The following DENND1B variants were observed in gnomAD, a reference collection of about 807,000 sequenced individuals.
DENND1B encodes DENN domain-containing protein 1B.
A neutral mutation model predicts 90.1 loss-of-function variants in DENND1B; 59 were observed. The observed-to-expected ratio is 0.65, with a 90% confidence interval of 0.53 to 0.81. The LOEUF is 0.81. Among genes scored for constraint, DENND1B ranks in the 40% least tolerant of loss-of-function variants. The pLI, the probability that DENND1B is intolerant of heterozygous loss-of-function variation, is 0.00. For synonymous variants in DENND1B, 337 were observed against 324.6 expected (o/e 1.04, Z -0.41); for missense variants, 862 against 912.6 (o/e 0.94, Z 0.71).
chr1:197,756,024 C>T (rs1654235443), intron 2 of DENND1B, among the ~76,000 whole-genome samples: 2 of 152,148 alleles, frequency 1.3e-5, no homozygotes, highest in African/African-American at 4.8e-5. Flanking sequence ...AAAATCTGTA[C>T]ATTTAAAAGT....
intron 2 of DENND1B, among the ~76,000 whole-genome samples, chr1:197,725,370 G>A (rs1431568016): frequency 6.6e-6 from 1 of 152,052 alleles, no homozygotes; most frequent in Admixed American, 6.6e-5. Flanking sequence ...TACATTTTCA[G>A]AAAGACAAAA....
At chr1:197,594,984 A>G (rs1350016847) in intron 14 of DENND1B, among the ~76,000 whole-genome samples, 2 of 152,156 alleles carry the variant, frequency 1.3e-5, no homozygotes, top group Non-Finnish European at 2.9e-5. Context: ...ATGTAACACA[A>G]AGACTTTGGG....
intron 10 of DENND1B, among the ~76,000 whole-genome samples, chr1:197,637,730 A>G (rs1679920208): frequency 6.6e-6 from 1 of 152,200 alleles, no homozygotes; most frequent in Non-Finnish European, 1.5e-5. Context: ...CTGGTTGCTT[A>G]CGGGTTTGGG....
intron 5 of DENND1B, among the ~76,000 whole-genome samples, chr1:197,667,925 T>C (rs990698784): frequency 6.6e-6 from 1 of 152,082 alleles, no homozygotes; most frequent in Non-Finnish European, 1.5e-5. Context: ...CAGGAAAAAA[T>C]TGAAATGATT....
At chr1:197,767,404 G>A (rs1655830227) in intron 2 of DENND1B, among the ~76,000 whole-genome samples, 1 of 152,024 alleles carries the variant, frequency 6.6e-6, no homozygotes, top group South Asian at 2.1e-4. Context: ...AGGGCATGGA[G>A]GACACTAAGA....
rs1485457108 is a variant in DENND1B at position 197,566,143 on chromosome 1, C to T, written c.1150-13031G>A. Reference sequence around the variant, plus strand: ...TATTCCTATTTCTCCACATCCTCTCCAGCACCTGTTGTTTCCTGACTTTTT... The same window carrying T: ...TATTCCTATTTCTCCACATCCTCTCTAGCACCTGTTGTTTCCTGACTTTTT... On this transcript the variant is annotated intron_variant, in intron 15 of 22. Transcript: ENST00000620048. Among the ~76,000 whole-genome samples, 103 of 152,108 alleles carry T rather than the reference C, an allele frequency of 6.8e-4. No individual in the cohort carries two copies. The East Asian group carries it at 0.02, about 29-fold the overall frequency.
At position 197,508,572 on chromosome 1, in the gene DENND1B, TA is replaced by T. The variant is rs1252822548; in HGVS notation, c.*1887del. 1 of 151,748 alleles carries T rather than the reference TA, an allele frequency of 6.6e-6. No homozygotes were observed. Among genetic ancestry groups the T allele is most frequent in the Non-Finnish European group, 1.5e-5 (1 of 67,808 alleles). The allele number at this position is 151,748 out of a possible 1,614,324, so 9.4% of individuals were successfully genotyped here. ...CATTTAGATTTTGAAACGTAGGTTTTAAAAAAACTTGGTCATTTTCTTTAAA... is the reference window on the plus strand; with the variant it reads ...CATTTAGATTTTGAAACGTAGGTTTTAAAAAACTTGGTCATTTTCTTTAAA... On this transcript the variant is annotated 3_prime_UTR_variant, in exon 23 of 23. Transcript: ENST00000620048.
In DENND1B at chr1:197,518,929, C is replaced by A. The variant is rs184907209; in HGVS notation, c.1516-5976G>T. ...GGAATGCTGAGTGCTGTCTAGCATTCTTTTCCAGGTTTTTCTGATACTATA... is the reference window on the plus strand; with the variant it reads ...GGAATGCTGAGTGCTGTCTAGCATTATTTTCCAGGTTTTTCTGATACTATA... On this transcript the variant is annotated intron_variant, in intron 20 of 22. Coordinates refer to ENST00000620048, the MANE Select transcript of DENND1B (RefSeq NM_001195215.2). 4.6e-5 allele frequency among the ~76,000 whole-genome samples: 7 copies of A among 151,964 alleles called. No individual in the cohort carries two copies. The South Asian group carries it at 6.2e-4, about 13-fold the overall frequency.
rs577884174 is a variant in DENND1B, at chr1:197,510,560, A to G, written c.2228T>C (p.Ile743Thr). 3.1e-6 allele frequency: 5 copies of G among 1,612,618 alleles called. No homozygotes were observed. Among genetic ancestry groups the G allele is most frequent in the East Asian group, 2.2e-5 (1 of 44,844 alleles). Residue 743 changes from isoleucine (I) to threonine (T), a missense_variant, in exon 23 of 23, where the codon ATT becomes ACT. Coordinates refer to ENST00000620048, the MANE Select transcript of DENND1B (RefSeq NM_001195215.2). The part of the protein sequence containing the change: ...GKEAKETSED[I>T]GLLHEVVSLC... Reference sequence around the variant, plus strand: ...TGACACTACTTCATGGAGCAGTCCAATATCTTCTGAAGTCTCTTTGGCTTC... The same window carrying G: ...TGACACTACTTCATGGAGCAGTCCAGTATCTTCTGAAGTCTCTTTGGCTTC...
chr1:197,653,443 A>C (rs545092995), intron 6 of DENND1B, among the ~76,000 whole-genome samples: 1 of 152,226 alleles, frequency 6.6e-6, no homozygotes, highest in South Asian at 2.1e-4. Flanking sequence ...AGGTATAAAA[A>C]TTTTTAGACT....
intron 16 of DENND1B, among the ~76,000 whole-genome samples, chr1:197,550,273 G>A (rs1671117208): frequency 6.6e-6 from 1 of 152,050 alleles, no homozygotes; most frequent in African/African-American, 2.4e-5. Flanking sequence ...TTTACTGAAT[G>A]TTTTTGCATT....
At chr1:197,629,141 C>T (rs371455459) in intron 10 of DENND1B, among the ~76,000 whole-genome samples, 38 of 151,884 alleles carry the variant, frequency 2.5e-4, no homozygotes, top group Non-Finnish European at 3.1e-4. Context: ...GATCTAGAAC[C>T]AGAAATACCA....
At chr1:197,552,242 A>G in intron 16 of DENND1B, 1 of 984,342 alleles carries the variant, frequency 1.0e-6, no homozygotes, top group Non-Finnish European at 1.2e-6. Flanking sequence ...CCAAAAATTA[A>G]CACACTAAGA....
chr1:197,758,419 G>A (rs1483577795), intron 2 of DENND1B, among the ~76,000 whole-genome samples: 1 of 151,858 alleles, frequency 6.6e-6, no homozygotes, highest in Admixed American at 6.6e-5. Context: ...TTTTTCATAC[G>A]GCTAACAACC....
chr1:197,544,955 G>GGAA (rs1558222461), intron 18 of DENND1B, among the ~76,000 whole-genome samples: 1 of 54,234 alleles, frequency 1.8e-5, no homozygotes, highest in Admixed American at 2.2e-4. Context: ...GAAGAGAGAA[G>GGAA]GGAGAAGGAG....
At chr1:197,676,609 T>C (rs1054014978) in intron 3 of DENND1B, among the ~76,000 whole-genome samples, 1 of 152,194 alleles carries the variant, frequency 6.6e-6, no homozygotes, top group Non-Finnish European at 1.5e-5. Flanking sequence ...CAAAATATTT[T>C]ATTTTTATGC....
At chr1:197,526,146 T>G (rs901052996) in intron 20 of DENND1B, among the ~76,000 whole-genome samples, 1 of 152,076 alleles carries the variant, frequency 6.6e-6, no homozygotes, top group East Asian at 1.9e-4. Flanking sequence ...TATACCCCCA[T>G]AGTTAGAGAT....
At chr1:197,596,490 G>T (rs1314267505) in intron 13 of DENND1B, among the ~76,000 whole-genome samples, 3 of 151,804 alleles carry the variant, frequency 2.0e-5, no homozygotes, top group Non-Finnish European at 4.4e-5. Context: ...AAAAAAAACT[G>T]GTACGACAAA....
At chr1:197,691,852 C>G (rs1657920926) in intron 3 of DENND1B, among the ~76,000 whole-genome samples, 4 of 151,956 alleles carry the variant, frequency 2.6e-5, no homozygotes, top group African/African-American at 9.6e-5. Context: ...GTGAAATAAG[C>G]CAGTCTCAAA....
Sources: allele counts gnomAD v4.1 joint callset (sites outside exome capture counted in the v4.1 genomes callset), GRCh38; gene constraint gnomAD v4.1.1; transcripts MANE v1.5; gene names NCBI Gene and HGNC (gene_info 2026-07-23, HGNC 2026-07-21).